The following LAMA2 variants were observed in gnomAD, a reference collection of about 807,000 sequenced individuals.
LAMA2 encodes the protein laminin subunit alpha-2.
LAMA2 carries 269 observed loss-of-function variants against 364.8 expected under a neutral mutation model. That is an observed-to-expected ratio of 0.74 (90% CI 0.67 to 0.82). LAMA2 has a LOEUF of 0.82. LAMA2 is among the 40% of genes least tolerant of loss of function. The pLI, the probability that LAMA2 is intolerant of heterozygous loss-of-function variation, is 0.00. For missense variants in LAMA2, 3,807 were observed against 3,873.2 expected, an observed-to-expected ratio of 0.98 and a Z score of 0.45; for synonymous variants, 1,379 against 1,370.6, an observed-to-expected ratio of 1.01 and a Z score of -0.14.
chr6:128,917,613 G>A (rs1202022724), intron 1 of LAMA2, among the ~76,000 whole-genome samples: 1 of 150,818 alleles, frequency 6.6e-6, no homozygotes, highest in Non-Finnish European at 1.5e-5. Flanking sequence ...CCACTTTACT[G>A]AATGTGTATA....
intron 54 of LAMA2, chr6:129,479,600 A>C (rs924046180): frequency 4.6e-5 from 7 of 152,220 alleles, no homozygotes; most frequent in Non-Finnish European, 1.0e-4. Context: ...TTTTAAAATG[A>C]AAACGTTAAA....
chr6:129,049,950 A>C lies in LAMA2; in HGVS notation c.145A>C (p.Asn49His). Residue 49 changes from asparagine to histidine, a missense_variant, in exon 2 of 65, where the codon AAT (asparagine) becomes CAT (histidine). Transcript: ENST00000421865. ...LFPAVLNLASNALITTNATCG... is the reference protein window; with the variant it reads ...LFPAVLNLASHALITTNATCG... The stretch of plus-strand genomic sequence containing the variant: ...CCCTGCTGTCCTGAATCTTGCTTCT[A>C]ATGCTCTTATCACGACCAATGCAAC... 1.2e-6 allele frequency: 2 copies of C among 1,613,994 alleles called. No homozygotes were observed. Among genetic ancestry groups the C allele is most frequent in the Non-Finnish European group, 1.7e-6 (2 of 1,179,902 alleles).
intron 4 of LAMA2, among the ~76,000 whole-genome samples, chr6:129,099,959 GT>G (rs1277158840): frequency 2.6e-5 from 4 of 152,174 alleles, no homozygotes; most frequent in Non-Finnish European, 5.9e-5. Context: ...TGCAGAAAGA[GT>G]TTTGAGTTGA....
Position 129,464,388 on chromosome 6 carries a change from T to A in LAMA2, c.7091T>A (p.Val2364Asp). Residue 2364 changes from valine (V) to aspartate (D), a missense_variant, in exon 50 of 65, where the codon GTC (valine) becomes GAC (aspartate). Physicochemically the swap from Val to Asp is radical, Grantham distance 152. Transcript: ENST00000421865. ...PIRWYPNIST[V>D]MFKFRTFSSS... ...CGCTGGTACCCCAACATCTCCACTGTCATGTTCAAGTTCAGAACATTTTCT... is the reference window on the plus strand; with the variant it reads ...CGCTGGTACCCCAACATCTCCACTGACATGTTCAAGTTCAGAACATTTTCT... The A allele has an allele frequency of 2.5e-6, 4 of 1,611,910 alleles. No homozygotes were observed. The highest frequency in any genetic ancestry group is 3.4e-6 in the Non-Finnish European group (4 of 1,178,290).
chr6:129,148,404 G>T (rs775383414), intron 6 of LAMA2, among the ~76,000 whole-genome samples: 1 of 152,042 alleles, frequency 6.6e-6, no homozygotes, highest in Non-Finnish European at 1.5e-5. Flanking sequence ...GCTAATGCAT[G>T]CAGGGTGCTT....
intron 17 of LAMA2, among the ~76,000 whole-genome samples, chr6:129,272,741 TA>T (rs1470487586): frequency 4.6e-5 from 7 of 152,142 alleles, no homozygotes; most frequent in Non-Finnish European, 7.4e-5. Flanking sequence ...TGGTTGGCAT[TA>T]CCACCTGAGC....
At chr6:129,363,615 C>T (rs1777593373) in intron 32 of LAMA2, among the ~76,000 whole-genome samples, 2 of 152,190 alleles carry the variant, frequency 1.3e-5, no homozygotes, top group African/African-American at 2.4e-5. Context: ...GTGTGGTGCA[C>T]AGACCAACAG....
intron 41 of LAMA2, among the ~76,000 whole-genome samples, chr6:129,435,001 C>CA (rs202098959): frequency 1.0e-3 from 147 of 145,456 alleles, no homozygotes; most frequent in Middle Eastern, 3.5e-3. Context: ...CTTGCTAGTA[C>CA]AAAAAAAAAA....
intron 3 of LAMA2, among the ~76,000 whole-genome samples, chr6:129,078,282 G>A (rs547523432): frequency 3.0e-4 from 46 of 151,900 alleles, no homozygotes; most frequent in African/African-American, 8.0e-4. Context: ...CTACAGGTGC[G>A]CGCCACTATA....
intron 62 of LAMA2, 152 bp downstream of exon 62, chr6:129,507,794 C>T (rs1355104400): frequency 7.8e-6 from 6 of 767,776 alleles, no homozygotes; most frequent in East Asian, 5.2e-5. Flanking sequence ...TCAAAAATGC[C>T]TCTTAAAAAT....
chr6:129,067,246 G>C (rs1420872427), intron 3 of LAMA2, among the ~76,000 whole-genome samples: 2 of 14,064 alleles, frequency 1.4e-4, no homozygotes, highest in Non-Finnish European at 4.9e-4. Context: ...TACCTTACCT[G>C]AGTATACCTT....
chr6:128,998,156 T>A (rs2114675474), intron 1 of LAMA2, among the ~76,000 whole-genome samples: 1 of 152,164 alleles, frequency 6.6e-6, no homozygotes, highest in Admixed American at 6.5e-5. Context: ...CACAGTCATG[T>A]TGGTAGATTT....
chr6:129,141,852 G>C (rs1255455903), intron 4 of LAMA2, among the ~76,000 whole-genome samples: 2 of 151,910 alleles, frequency 1.3e-5, no homozygotes, highest in Non-Finnish European at 2.9e-5. Flanking sequence ...TTAGCACTGT[G>C]TGCATGTTTG....
intron 10 of LAMA2, 37 bp downstream of exon 10, chr6:129,177,903 A>G (rs1340518428): frequency 6.3e-7 from 1 of 1,597,262 alleles, no homozygotes; most frequent in Non-Finnish European, 8.6e-7. Flanking sequence ...CACTGTCAAG[A>G]CAGAAGGTTA....
chr6:129,143,827 C>T (rs1270078962), intron 4 of LAMA2, 74 bp from the exon 5 acceptor site: 2 of 1,149,966 alleles, frequency 1.7e-6, no homozygotes, highest in Non-Finnish European at 2.5e-6. Flanking sequence ...CTTTATTTTT[C>T]CAAGAAAAAG....
rs538360733 is a variant in LAMA2 at position 128,896,234 on chromosome 6, T to C, written c.112+12877T>C. The stretch of plus-strand genomic sequence containing the variant: ...TCCAGCCCAATATGTCCTCTCCTTA[T>C]CTAGTATAATTTATCTTTAAAAATT... On this transcript the variant is annotated intron_variant, in intron 1 of 64. Coordinates refer to ENST00000421865, the MANE Select transcript of LAMA2 (RefSeq NM_000426.4). Among the ~76,000 whole-genome samples, 4 of 152,176 alleles carry C rather than the reference T, an allele frequency of 2.6e-5. No homozygotes were observed. The East Asian group carries it at 7.7e-4, about 29-fold the overall frequency.
At chr6:128,934,979 C>A (rs2114525526) in intron 1 of LAMA2, among the ~76,000 whole-genome samples, 1 of 152,172 alleles carries the variant, frequency 6.6e-6, no homozygotes, top group Admixed American at 6.5e-5. Flanking sequence ...TCTTCAATGT[C>A]TTATAGTTTT....
intron 1 of LAMA2, among the ~76,000 whole-genome samples, chr6:128,962,749 A>G (rs1488172804): frequency 6.6e-6 from 1 of 152,234 alleles, no homozygotes; most frequent in East Asian, 1.9e-4. Flanking sequence ...AATCCCAATC[A>G]CAACTGTGAT....
chr6:129,478,645 C>A, intron 53 of LAMA2, 48 bp from the exon 54 acceptor site: 1 of 1,603,444 alleles, frequency 6.2e-7, no homozygotes, highest in East Asian at 2.2e-5. Flanking sequence ...ACTACACTAC[C>A]ATCACCCTAA....
Sources: allele counts gnomAD v4.1 joint callset (sites outside exome capture counted in the v4.1 genomes callset), GRCh38; gene constraint gnomAD v4.1.1; transcripts MANE v1.5; gene names NCBI Gene and HGNC (gene_info 2026-07-23, HGNC 2026-07-21).